The following MAP7 variants were observed in gnomAD, a reference collection of about 807,000 sequenced individuals.
MAP7 encodes microtubule associated protein 7.
Under a neutral mutation model 94.8 loss-of-function variants are expected in MAP7, and 52 were observed. That is an observed-to-expected ratio of 0.55 (90% CI 0.44 to 0.69). MAP7 has a LOEUF of 0.69. Among genes scored for constraint, MAP7 ranks in the 30% least tolerant of loss-of-function variants. The pLI is 0.00. For synonymous variants in MAP7, 350 were observed against 357.0 expected (o/e 0.98, Z 0.22); for missense variants, 940 against 964.6 (o/e 0.97, Z 0.34).
chr6:136,464,336 C>A (rs1806230927), intron 1 of MAP7, among the ~76,000 whole-genome samples: 3 of 152,140 alleles, frequency 2.0e-5, no homozygotes, highest in Non-Finnish European at 4.4e-5. Context: ...GTTCCTGCTA[C>A]CTGTGGTCAA....
At chr6:136,523,368 A>G (rs375529610) in intron 1 of MAP7, among the ~76,000 whole-genome samples, 6 of 152,332 alleles carry the variant, frequency 3.9e-5, no homozygotes, top group Admixed American at 2.0e-4. Flanking sequence ...GTGTTGTCCA[A>G]TAAGGTGGTC....
At chr6:136,549,676 ACT>A (rs1269979988) in intron 1 of MAP7, among the ~76,000 whole-genome samples, 5 of 151,894 alleles carry the variant, frequency 3.3e-5, no homozygotes, top group South Asian at 2.1e-4. Context: ...AAAACAAAAA[ACT>A]CTGAGAACTC....
rs777606780 is a variant in MAP7, at chr6:136,389,398, C to T, written c.364G>A (p.Ala122Thr). Residue 122 changes from alanine (A) to threonine (T), a missense_variant, in exon 4 of 18, where the codon GCT (alanine) becomes ACT (threonine). By Grantham distance (58) the Ala-to-Thr change is moderately conservative. Transcript: ENST00000354570. ...EQRQKEERRR[A>T]AVEEKRRQRL... Reference sequence around the variant, plus strand: ...TGCCTCCGCTTCTCCTCCACAGCAGCCCTCCTCCGCTCCTCCTTCTGCCTC... The same window carrying T: ...TGCCTCCGCTTCTCCTCCACAGCAGTCCTCCTCCGCTCCTCCTTCTGCCTC... The T allele has an allele frequency of 6.3e-7, 1 of 1,581,220 alleles. No individual in the cohort carries two copies. Among genetic ancestry groups the T allele is most frequent in the South Asian group, 1.2e-5 (1 of 85,536 alleles).
chr6:136,355,519 G>T (rs540645010), intron 16 of MAP7, among the ~76,000 whole-genome samples: 88 of 151,764 alleles, frequency 5.8e-4, no homozygotes, highest in Non-Finnish European at 1.1e-3. Flanking sequence ...ACAATAGTAG[G>T]GACTTACCTT....
chr6:136,428,597 T>C (rs780772921), intron 1 of MAP7, among the ~76,000 whole-genome samples: 9 of 152,162 alleles, frequency 5.9e-5, no homozygotes, highest in Non-Finnish European at 1.2e-4. Context: ...TAACATGTGA[T>C]AGGAAAGATC....
chr6:136,390,086 C>A (rs1468689146), intron 3 of MAP7, among the ~76,000 whole-genome samples: 1 of 152,124 alleles, frequency 6.6e-6, no homozygotes, highest in South Asian at 2.1e-4. Flanking sequence ...TAAGAGTTAA[C>A]CATATCAAAA....
At chr6:136,440,804 T>A (rs1036833534) in intron 1 of MAP7, among the ~76,000 whole-genome samples, 7 of 150,980 alleles carry the variant, frequency 4.6e-5, no homozygotes, top group African/African-American at 1.7e-4. Flanking sequence ...TATTTTATCT[T>A]AAAAATAAAA....
In MAP7 at chr6:136,377,698, T is replaced by A. The variant is rs1034964553; in HGVS notation, c.751+57A>T. On this transcript the variant is annotated intron_variant, in intron 7 of 17. Transcript: ENST00000354570. ...AAAAAGTGAGATGTGATTAGACGAA[T>A]ATGCTTCAAAGGGAGGACTTGACCT... The A allele has an allele frequency of 4.7e-6, 6 of 1,283,786 alleles. No individual in the cohort carries two copies. The African/African-American group carries it at 8.8e-5, about 19-fold the overall frequency. The allele number at this position is 1,283,786 out of a possible 1,614,324, so 79.5% of individuals were successfully genotyped here. A position where few individuals can be genotyped will look rare whatever the true frequency, so the allele number is the denominator to read the frequency against.
intron 1 of MAP7, among the ~76,000 whole-genome samples, chr6:136,511,331 C>T (rs527601693): frequency 6.6e-6 from 1 of 152,124 alleles, no homozygotes; most frequent in East Asian, 1.9e-4. Flanking sequence ...CTAGCAAATT[C>T]ATAAAAAGAA....
intron 1 of MAP7, among the ~76,000 whole-genome samples, chr6:136,485,021 A>C (rs1319614358): frequency 6.6e-6 from 1 of 152,190 alleles, no homozygotes; most frequent in Non-Finnish European, 1.5e-5. Context: ...TAAGCTGTGA[A>C]TCGTAACATT....
chr6:136,539,844 T>C (rs1272962956), intron 1 of MAP7, among the ~76,000 whole-genome samples: 2 of 152,196 alleles, frequency 1.3e-5, no homozygotes, highest in East Asian at 1.9e-4. Context: ...GCCAGGCTGA[T>C]GGCATGCACC....
intron 7 of MAP7, among the ~76,000 whole-genome samples, chr6:136,374,436 G>A (rs888964749): frequency 2.6e-5 from 4 of 152,186 alleles, no homozygotes; most frequent in Non-Finnish European, 4.4e-5. Context: ...TTAATAACCG[G>A]GGGCAGAGGC....
chr6:136,424,327 TAAAA>T (rs5880295), intron 1 of MAP7, among the ~76,000 whole-genome samples: 2 of 143,634 alleles, frequency 1.4e-5, no homozygotes, highest in Non-Finnish European at 1.5e-5. Flanking sequence ...TTCTTTCATT[TAAAA>T]AAAAAAAAAA....
chr6:136,367,910 G>T (rs1319560548), intron 8 of MAP7, among the ~76,000 whole-genome samples: 1 of 151,260 alleles, frequency 6.6e-6, no homozygotes, highest in African/African-American at 2.4e-5. Context: ...AAAACATTTT[G>T]ATTTGGCTGA....
chr6:136,365,616 C>A, intron 10 of MAP7, 119 bp downstream of exon 10: 2 of 1,083,602 alleles, frequency 1.8e-6, no homozygotes, highest in Non-Finnish European at 2.6e-6. Context: ...TAAACTTAAC[C>A]TTAGAGTAAA....
chr6:136,440,916 T>C (rs1449714252), intron 1 of MAP7, among the ~76,000 whole-genome samples: 2 of 152,168 alleles, frequency 1.3e-5, no homozygotes, highest in African/African-American at 4.8e-5. Flanking sequence ...TCAACTGTTT[T>C]ACACTCCACA....
At chr6:136,450,690 G>A (rs1021071351) in intron 1 of MAP7, among the ~76,000 whole-genome samples, 2 of 151,782 alleles carry the variant, frequency 1.3e-5, no homozygotes, top group African/African-American at 2.4e-5. Context: ...AGGCTGAGGC[G>A]GGAGAACTGC....
intron 6 of MAP7, among the ~76,000 whole-genome samples, chr6:136,380,679 A>T (rs568655398): frequency 3.9e-5 from 6 of 152,360 alleles, no homozygotes; most frequent in Non-Finnish European, 7.3e-5. Flanking sequence ...TTCCAGTGGC[A>T]ACATTCTGTT....
At chr6:136,349,086 G>T (rs1007447666) in intron 16 of MAP7, among the ~76,000 whole-genome samples, 3 of 152,006 alleles carry the variant, frequency 2.0e-5, no homozygotes, top group Non-Finnish European at 4.4e-5. Flanking sequence ...TGTCCTCCCC[G>T]ACTTGTATTC....
Sources: allele counts gnomAD v4.1 joint callset (sites outside exome capture counted in the v4.1 genomes callset), GRCh38; gene constraint gnomAD v4.1.1; transcripts MANE v1.5; gene names NCBI Gene and HGNC (gene_info 2026-07-23, HGNC 2026-07-21).